The following GPATCH8 variants were observed in gnomAD, a reference collection of about 807,000 sequenced individuals.
GPATCH8 encodes G-patch domain containing 8.
In GPATCH8, 18 loss-of-function variants were observed where a neutral mutation model predicts 118.3. The ratio of observed to expected loss-of-function variants is 0.15; its 90% CI spans 0.11 to 0.23. The LOEUF is 0.23. Ranked by LOEUF, GPATCH8 falls within the 10% of genes least tolerant of loss-of-function variation. GPATCH8 has a pLI of 1.00. For missense variants in GPATCH8, 1,631 were observed against 1,873.8 expected, an observed-to-expected ratio of 0.87 and a Z score of 2.39; for synonymous variants, 659 against 684.7, an observed-to-expected ratio of 0.96 and a Z score of 0.59.
chr17:44,492,316 G>A (rs1404938750), intron 1 of GPATCH8, among the ~76,000 whole-genome samples: 7 of 111,058 alleles, frequency 6.3e-5, no homozygotes, highest in East Asian at 2.8e-4. Flanking sequence ...AAAAAAAAGC[G>A]CCCGTAACCC....
At chr17:44,493,054 G>GTTTTTTTTTTT (rs398039127) in intron 1 of GPATCH8, among the ~76,000 whole-genome samples, 16 of 124,394 alleles carry the variant, frequency 1.3e-4, no homozygotes, top group East Asian at 2.3e-4. Context: ...AAGCCATTAG[G>GTTTTTTTTTTT]TTTTTTTTTT....
intron 1 of GPATCH8, among the ~76,000 whole-genome samples, chr17:44,495,377 T>C (rs1020095698): frequency 6.6e-6 from 1 of 152,170 alleles, no homozygotes; most frequent in South Asian, 2.1e-4. Context: ...CATCCCACTT[T>C]AAGGATTCTC....
chr17:44,397,966 A>G lies in GPATCH8; in HGVS notation c.4111T>C (p.Ser1371Pro). Residue 1371 changes from serine (S) to proline (P), a missense_variant, in exon 8 of 8, where the codon TCC (serine) becomes CCC (proline). By Grantham distance (74) the Ser-to-Pro change is moderately conservative. Transcript: ENST00000591680. ...IQQPATASATSITTVQHAILQ... is the reference protein window; with the variant it reads ...IQQPATASATPITTVQHAILQ... ...ATGGCATGCTGAACAGTTGTGATGG[A>G]GGTGGCAGAGGCTGTAGCTGGCTGC... The G allele has an allele frequency of 6.2e-7, 1 of 1,613,934 alleles. No homozygotes were observed. The highest frequency in any genetic ancestry group is 8.5e-7 in the Non-Finnish European group (1 of 1,179,928).
intron 6 of GPATCH8, among the ~76,000 whole-genome samples, chr17:44,418,430 AG>A (rs2049768499): frequency 6.6e-6 from 1 of 152,070 alleles, no homozygotes; most frequent in African/African-American, 2.4e-5. Flanking sequence ...AAGCCAACAA[AG>A]GTAGGAGATG....
At chr17:44,460,755 C>CGCAT (rs2051513738) in intron 3 of GPATCH8, among the ~76,000 whole-genome samples, 1 of 152,136 alleles carries the variant, frequency 6.6e-6, no homozygotes, top group Admixed American at 6.5e-5. Flanking sequence ...AAATCACATG[C>CGCAT]GATGCCTACT....
intron 1 of GPATCH8, among the ~76,000 whole-genome samples, chr17:44,475,362 A>T (rs1251922789): frequency 5.3e-5 from 8 of 150,294 alleles, no homozygotes; most frequent in African/African-American, 1.7e-4. Flanking sequence ...CCTGGGCAAC[A>T]GAACGAGACT....
intron 3 of GPATCH8, among the ~76,000 whole-genome samples, chr17:44,442,139 A>AGG: frequency 6.8e-6 from 1 of 146,204 alleles, no homozygotes; most frequent in South Asian, 2.1e-4. Flanking sequence ...AGAGAGAGAG[A>AGG]GAGAAGGAGA....
chr17:44,435,661 C>T (rs567346182), intron 4 of GPATCH8, among the ~76,000 whole-genome samples: 1 of 148,072 alleles, frequency 6.8e-6, no homozygotes, highest in African/African-American at 2.4e-5. Context: ...AGGTGATCTG[C>T]TTGTCTCGGC....
At chr17:44,442,413 A>C (rs2050734249) in intron 3 of GPATCH8, among the ~76,000 whole-genome samples, 1 of 152,208 alleles carries the variant, frequency 6.6e-6, no homozygotes, top group African/African-American at 2.4e-5. Context: ...AGTTGTCTTT[A>C]AAGACGACCT....
At chr17:44,447,618 C>T (rs964644726) in intron 3 of GPATCH8, among the ~76,000 whole-genome samples, 3 of 151,418 alleles carry the variant, frequency 2.0e-5, no homozygotes, top group Admixed American at 6.6e-5. Context: ...ATTATCACCA[C>T]CTTTTTTTTT....
chr17:44,457,115 G>T (rs558536357), intron 3 of GPATCH8, among the ~76,000 whole-genome samples: 48 of 151,992 alleles, frequency 3.2e-4, no homozygotes, highest in Non-Finnish European at 1.5e-5. Flanking sequence ...TGCCCGCCTC[G>T]GCCTCCCAAA....
chr17:44,474,629 A>AT (rs1195276949), intron 2 of GPATCH8, 200 bp downstream of exon 2: 3 of 666,600 alleles, frequency 4.5e-6, no homozygotes, highest in Admixed American at 2.2e-5. Context: ...GTGTTTCTAG[A>AT]TTTTTTTGGA....
chr17:44,456,001 C>A (rs2051316182), intron 3 of GPATCH8, among the ~76,000 whole-genome samples: 1 of 152,198 alleles, frequency 6.6e-6, no homozygotes, highest in Admixed American at 6.5e-5. Flanking sequence ...CCTGCCTCGG[C>A]CTCCCAAAGT....
At chr17:44,453,604 C>A (rs2051217554) in intron 3 of GPATCH8, among the ~76,000 whole-genome samples, 1 of 151,762 alleles carries the variant, frequency 6.6e-6, no homozygotes, top group African/African-American at 2.4e-5. Flanking sequence ...CGGCACCCTG[C>A]AGCCTCAACT....
chr17:44,400,038 T>C lies in GPATCH8; in HGVS notation c.2039A>G (p.Lys680Arg). 6.2e-7 allele frequency: 1 copy of C among 1,614,130 alleles called. No homozygotes were observed. The highest frequency in any genetic ancestry group is 1.1e-5 in the South Asian group (1 of 91,074). The change falls in exon 8 of 8, where the codon AAG becomes AGG. Residue 680 changes from lysine (K) to arginine (R), a missense_variant. By Grantham distance (26) the Lys-to-Arg change is conservative. Around this residue, in one of 8 missense-constraint regions of GPATCH8, gnomAD observed 922 missense variants for 879.7 expected, o/e 1.05. Transcript: ENST00000591680. ...TTTGTGTTTGCTGGATTTTTTGTGC[T>C]TCTTTTTCTTTTTGTGCCGGTGGGA... ...GKSHRHKKKKKHKKSSKHKRK... is the reference protein window; with the variant it reads ...GKSHRHKKKKRHKKSSKHKRK...
In GPATCH8 at chr17:44,398,889, G is replaced by A; in HGVS notation, c.3188C>T (p.Pro1063Leu). The A allele has an allele frequency of 6.2e-7, 1 of 1,613,938 alleles. No individual in the cohort carries two copies. The highest frequency in any genetic ancestry group is 1.1e-5 in the South Asian group (1 of 91,080). The change falls in exon 8 of 8, where the codon CCA becomes CTA. Residue 1063 changes from proline to leucine, a missense_variant. By Grantham distance (98) the Pro-to-Leu change is moderately conservative. Coordinates refer to ENST00000591680, the MANE Select transcript of GPATCH8 (RefSeq NM_001002909.4). The part of the protein sequence containing the change: ...GRGDDSKATG[P>L]PSQNSNIGTG... ...GCCAATGTTGCTGTTCTGGGAAGGTGGACCTGTTGCTTTACTGTCATCTCC... is the reference window on the plus strand; with the variant it reads ...GCCAATGTTGCTGTTCTGGGAAGGTAGACCTGTTGCTTTACTGTCATCTCC...
rs1224605812 is a variant in GPATCH8 at position 44,437,957 on chromosome 17, AAAC to A, written c.194-1415_194-1413del. Among the ~76,000 whole-genome samples, 23 of 123,804 alleles carry A rather than the reference AAAC, an allele frequency of 1.9e-4. 1 individual carries two copies. Among genetic ancestry groups the A allele is most frequent in the Middle Eastern group, 4.3e-3 (1 of 230 alleles). The allele number at this position is 123,804 out of a possible 152,430, so 81.2% of individuals were successfully genotyped here. ...ACATCTCATGTCAGAAAAAAAAAAA[AAAC>A]AAAACAACAACTTCTAGAATACAGC... On this transcript the variant is annotated intron_variant, in intron 3 of 7. Transcript: ENST00000591680.
chr17:44,417,144 G>A, intron 6 of GPATCH8, among the ~76,000 whole-genome samples: 1 of 151,984 alleles, frequency 6.6e-6, no homozygotes, highest in East Asian at 1.9e-4. Context: ...TGATTCTCCT[G>A]AGGAAAACTC....
At chr17:44,482,289 C>T (rs946713742) in intron 1 of GPATCH8, among the ~76,000 whole-genome samples, 5 of 151,674 alleles carry the variant, frequency 3.3e-5, no homozygotes, top group East Asian at 1.9e-4. Context: ...AAAACCTAGA[C>T]GAGGCTGGGC....
Sources: allele counts gnomAD v4.1 joint callset (sites outside exome capture counted in the v4.1 genomes callset), GRCh38; gene constraint gnomAD v4.1.1; regional missense constraint gnomAD v4.1.1; transcripts MANE v1.5; gene names NCBI Gene and HGNC (gene_info 2026-07-23, HGNC 2026-07-21).